The following TSPAN12 variants were observed in gnomAD, a reference collection of about 807,000 sequenced individuals.
TSPAN12 encodes tetraspanin 12.
TSPAN12 carries 19 observed loss-of-function variants against 39.2 expected under a neutral mutation model. That is an observed-to-expected ratio of 0.49 (90% CI 0.34 to 0.71). The LOEUF (loss-of-function observed/expected upper bound fraction) is 0.71, where lower values mean the gene tolerates loss of function less well. Ranked by LOEUF, TSPAN12 falls within the 30% of genes least tolerant of loss-of-function variation. The probability of loss-of-function intolerance (pLI) is 0.01; values close to 1 mark genes in which losing one functional copy is unlikely to be tolerated. For synonymous variants in TSPAN12, 119 were observed against 124.8 expected (o/e 0.95, Z 0.31); for missense variants, 314 against 359.9 (o/e 0.87, Z 1.03).
Position 120,831,702 on chromosome 7 carries a change from T to C in TSPAN12, c.285+7075A>G, listed in dbSNP as rs534582666. Among the ~76,000 whole-genome samples, 245 of 152,048 alleles carry C rather than the reference T, an allele frequency of 1.6e-3. 1 individual carries two copies. The highest frequency in any genetic ancestry group is 5.5e-3 in the African/African-American group (227 of 41,518). On this transcript the variant is annotated intron_variant, in intron 4 of 7. Coordinates refer to ENST00000222747, the MANE Select transcript of TSPAN12 (RefSeq NM_012338.4). ...TGGGTACAAAGTTTCAGTTAGATAG[T>C]AGAAATAACTTTTAGTGACCTATTG...
In TSPAN12 at chr7:120,787,523, CAT is replaced by C. The variant is rs570865840; in HGVS notation, c.*1067_*1068del. On this transcript the variant is annotated 3_prime_UTR_variant, in exon 8 of 8. Coordinates refer to ENST00000222747, the MANE Select transcript of TSPAN12 (RefSeq NM_012338.4). ...AAAACAAAGAATCTCTAAATTGTCACATGTTTTAATGATTCTCACAAGCATTT... is the reference window on the plus strand; with the variant it reads ...AAAACAAAGAATCTCTAAATTGTCACGTTTTAATGATTCTCACAAGCATTT... The C allele has an allele frequency of 1.3e-3, 199 of 152,632 alleles. No homozygotes were observed. The highest frequency in any genetic ancestry group is 3.2e-3 in the African/African-American group (134 of 41,550). The allele number at this position is 152,632 out of a possible 1,614,324, so 9.5% of individuals were successfully genotyped here.
In TSPAN12 at chr7:120,830,245, T is replaced by C. The variant is rs572892535; in HGVS notation, c.285+8532A>G. ...TATCCAAAGTGACCTACAAATTCAA[T>C]GCAATCCCAATCAAAACTCCAATGT... On this transcript the variant is annotated intron_variant, in intron 4 of 7. Coordinates refer to ENST00000222747, the MANE Select transcript of TSPAN12 (RefSeq NM_012338.4). 4.6e-5 allele frequency among the ~76,000 whole-genome samples: 7 copies of C among 152,228 alleles called. No homozygotes were observed. In the East Asian group the frequency reaches 1.4e-3, roughly 29 times the overall value.
chr7:120,845,433 G>T (rs1794652091), intron 2 of TSPAN12, among the ~76,000 whole-genome samples: 1 of 152,134 alleles, frequency 6.6e-6, no homozygotes, highest in Non-Finnish European at 1.5e-5. Flanking sequence ...AAACTTTTAT[G>T]ATCTGCTTTC....
chr7:120,800,342 C>T (rs1184749550), intron 7 of TSPAN12, among the ~76,000 whole-genome samples: 8 of 152,270 alleles, frequency 5.3e-5, no homozygotes, highest in East Asian at 1.9e-4. Context: ...CGAACCTTGA[C>T]GTTTGGACTT....
At chr7:120,851,685 T>C (rs1190361949) in intron 2 of TSPAN12, among the ~76,000 whole-genome samples, 2 of 152,150 alleles carry the variant, frequency 1.3e-5, no homozygotes, top group East Asian at 3.8e-4. Context: ...ATTTTACTAG[T>C]AATAAAAGCG....
At chr7:120,842,455 A>C (rs1243461667) in intron 2 of TSPAN12, among the ~76,000 whole-genome samples, 1 of 151,910 alleles carries the variant, frequency 6.6e-6, no homozygotes, top group African/African-American at 2.4e-5. Context: ...TGTTAAAAAA[A>C]AAAAAAAAAA....
At chr7:120,819,004 A>G (rs1006445810) in intron 4 of TSPAN12, among the ~76,000 whole-genome samples, 2 of 152,082 alleles carry the variant, frequency 1.3e-5, no homozygotes, top group African/African-American at 4.8e-5. Context: ...AATGTTCAGT[A>G]ACTACATACT....
chr7:120,856,872 C>G (rs1584958981), intron 1 of TSPAN12, 39 bp from the exon 2 acceptor site: 2 of 1,210,774 alleles, frequency 1.7e-6, no homozygotes, highest in Non-Finnish European at 2.4e-6. Flanking sequence ...GGACATCTCA[C>G]CATCACGCTT....
intron 7 of TSPAN12, 25 bp from the exon 8 acceptor site, chr7:120,788,922 A>T: frequency 1.2e-6 from 2 of 1,612,584 alleles, no homozygotes; most frequent in Non-Finnish European, 8.5e-7. Flanking sequence ...CATGGTCAAC[A>T]TTACTTTAGA....
At chr7:120,823,275 G>A (rs1019753329) in intron 4 of TSPAN12, among the ~76,000 whole-genome samples, 3 of 151,660 alleles carry the variant, frequency 2.0e-5, no homozygotes, top group Non-Finnish European at 2.9e-5. Context: ...GGCCTAGGCT[G>A]GAGCAGGTCT....
chr7:120,852,737 C>T (rs1307147672), intron 2 of TSPAN12, among the ~76,000 whole-genome samples: 3 of 152,124 alleles, frequency 2.0e-5, no homozygotes, highest in Admixed American at 1.3e-4. Flanking sequence ...ATCACTGTTT[C>T]CAGCAATTTA....
At chr7:120,799,534 TTA>T (rs1225222701) in intron 7 of TSPAN12, among the ~76,000 whole-genome samples, 16 of 111,752 alleles carry the variant, frequency 1.4e-4, no homozygotes, top group African/African-American at 4.9e-4. Context: ...TTATATATAA[TTA>T]TATATAATTA....
At chr7:120,812,562 A>G (rs1425700103) in intron 5 of TSPAN12, among the ~76,000 whole-genome samples, 3 of 152,222 alleles carry the variant, frequency 2.0e-5, no homozygotes, top group Non-Finnish European at 4.4e-5. Flanking sequence ...ATTCCTGACC[A>G]CAGAAAATCT....
At chr7:120,817,006 G>A (rs1794096400) in intron 4 of TSPAN12, among the ~76,000 whole-genome samples, 1 of 152,008 alleles carries the variant, frequency 6.6e-6, no homozygotes, top group Non-Finnish European at 1.5e-5. Context: ...AATTGTCAGG[G>A]GTAAACAGCT....
chr7:120,806,110 G>A (rs1793867156), intron 7 of TSPAN12, among the ~76,000 whole-genome samples: 1 of 151,982 alleles, frequency 6.6e-6, no homozygotes, highest in African/African-American at 2.4e-5. Context: ...AGAGTAGCAT[G>A]GTAGCATTTT....
chr7:120,843,588 C>T (rs1204629173), intron 2 of TSPAN12, among the ~76,000 whole-genome samples: 2 of 152,338 alleles, frequency 1.3e-5, no homozygotes, highest in African/African-American at 2.4e-5. Flanking sequence ...ATGGTATAAG[C>T]ACTTGCCCAC....
intron 2 of TSPAN12, among the ~76,000 whole-genome samples, chr7:120,855,976 T>A (rs1794861796): frequency 6.6e-6 from 1 of 152,340 alleles, no homozygotes; most frequent in East Asian, 1.9e-4. Context: ...CTAAGTTTTA[T>A]AAGTAATAAT....
chr7:120,852,109 ACT>A (rs1261622738), intron 2 of TSPAN12, among the ~76,000 whole-genome samples: 2 of 151,994 alleles, frequency 1.3e-5, no homozygotes, highest in Non-Finnish European at 2.9e-5. Context: ...TAAAAAAAAA[ACT>A]CTCAGTTTGA....
At chr7:120,836,180 T>C (rs754388218) in intron 4 of TSPAN12, among the ~76,000 whole-genome samples, 6 of 152,106 alleles carry the variant, frequency 3.9e-5, no homozygotes, top group Non-Finnish European at 7.3e-5. Flanking sequence ...GAGTGGGATG[T>C]GGGGAGGAAG....
Sources: allele counts gnomAD v4.1 joint callset (sites outside exome capture counted in the v4.1 genomes callset), GRCh38; gene constraint gnomAD v4.1.1; transcripts MANE v1.5; gene names NCBI Gene and HGNC (gene_info 2026-07-23, HGNC 2026-07-21).